The following LRRN4 variants were observed in gnomAD, a reference collection of about 807,000 sequenced individuals.
The protein encoded by LRRN4 is leucine-rich repeat neuronal protein 4.
In LRRN4, 26 loss-of-function variants were observed where a neutral mutation model predicts 22.3. The ratio of observed to expected loss-of-function variants is 1.16; its 90% confidence interval spans 0.85 to 1.62. The LOEUF (loss-of-function observed/expected upper bound fraction) is 1.62, where lower values mean the gene tolerates loss of function less well. Ranked by LOEUF, LRRN4 falls within the 40% of genes most tolerant of loss-of-function variation. LRRN4 has a pLI of 0.00. For missense variants in LRRN4, 1,070 were observed against 1,008.5 expected (o/e 1.06, Z -0.83); for synonymous variants, 496 against 486.2 (o/e 1.02, Z -0.26).
In LRRN4 at chr20:6,052,566, G is replaced by A; in HGVS notation, c.234C>T (p.Arg78=). ...GCAGGTTGTGGCTGGCGTCGAGGCT[G>A]CGCAGTGTGCGCGGTAGGCAGCCGG... is the stretch of plus-strand genomic sequence containing the variant. ...RLPGCLPRTL[R]SLDASHNLLR... The change falls in exon 2 of 5, where the codon CGC becomes CGT. Residue 78 remains arginine, a synonymous_variant. Coordinates refer to ENST00000378858, the MANE Select transcript of LRRN4 (RefSeq NM_152611.5). 2 of 1,579,698 alleles carry A rather than the reference G, an allele frequency of 1.3e-6. No individual in the cohort carries two copies. Among genetic ancestry groups the A allele is most frequent in the Non-Finnish European group, 8.5e-7 (1 of 1,171,684 alleles).
rs776796749 is a variant in LRRN4, at chr20:6,052,238, C to A, written c.562G>T (p.Gly188Trp). Residue 188 changes from glycine to tryptophan, a missense_variant, in exon 2 of 5, where the codon GGG (glycine) becomes TGG (tryptophan). Physicochemically the swap from Gly to Trp is radical, Grantham distance 184 (BLOSUM62 -2). Coordinates refer to ENST00000378858, the MANE Select transcript of LRRN4 (RefSeq NM_152611.5). Reference protein sequence around the residue: ...SCTALGRGAQGGIAEAAFAGE... With the variant: ...SCTALGRGAQWGIAEAAFAGE... The stretch of plus-strand genomic sequence containing the variant: ...GCGAACGCCGCCTCGGCGATGCCCC[C>A]CTGGGCTCCGCGACCCAGCGCGGTG... 3.8e-6 allele frequency: 6 copies of A among 1,567,952 alleles called. No individual in the cohort carries two copies. Among genetic ancestry groups the A allele is most frequent in the South Asian group, 3.5e-5 (3 of 85,398 alleles).
Position 6,052,144 on chromosome 20 carries a change from C to A in LRRN4, c.655+1G>T. ...TGAAAACGCGGGGCGCCCGGACTCA[C>A]CCCGTTCAAGGAACGTGCCGCTGAG... is the stretch of plus-strand genomic sequence containing the variant. On this transcript the variant is annotated splice_donor_variant, in intron 2 of 4. Coordinates refer to ENST00000378858, the MANE Select transcript of LRRN4 (RefSeq NM_152611.5). LOFTEE classifies it high-confidence loss of function. The A allele has an allele frequency of 6.3e-7, 1 of 1,590,164 alleles. No homozygotes were observed. Among genetic ancestry groups the A allele is most frequent in the East Asian group, 2.3e-5 (1 of 43,444 alleles).
At chr20:6,042,445 C>T (rs1204057956) in intron 4 of LRRN4, among the ~76,000 whole-genome samples, 199 bp from the exon 5 acceptor site, 2 of 152,206 alleles carry the variant, frequency 1.3e-5, no homozygotes, top group African/African-American at 4.8e-5. Context: ...CCTGTCCTCA[C>T]TCCCACTGGG....
Position 6,050,893 on chromosome 20 carries a change from A to G in LRRN4, c.746T>C (p.Phe249Ser), listed in dbSNP as rs145884853. 28 of 1,614,028 alleles carry G rather than the reference A, an allele frequency of 1.7e-5. No homozygotes were observed. The highest frequency in any genetic ancestry group is 2.2e-5 in the Non-Finnish European group (26 of 1,180,020). ...PRLTTLEGDI[F>S]KMTPNLQQLD... is the part of the protein sequence containing the mutation. ...CTGCTGCAGGTTGGGGGTCATCTTGAAAATGTCCCCCTCCAGGGTCGTCAG... is the reference window on the plus strand; with the variant it reads ...CTGCTGCAGGTTGGGGGTCATCTTGGAAATGTCCCCCTCCAGGGTCGTCAG... Residue 249 changes from phenylalanine to serine, a missense_variant, in exon 3 of 5, where the codon TTC becomes TCC. Coordinates refer to ENST00000378858, the MANE Select transcript of LRRN4 (RefSeq NM_152611.5).
Position 6,040,930 on chromosome 20 carries a change from C to G in LRRN4, c.*92G>C. On this transcript the variant is annotated 3_prime_UTR_variant, in exon 5 of 5. Coordinates refer to ENST00000378858, the MANE Select transcript of LRRN4 (RefSeq NM_152611.5). ...TTCTGGCTTCACGGGAATTAGAAAC[C>G]CTAGGAGCGGATGGGGTCGTTTTTG... 6.5e-7 allele frequency: 1 copy of G among 1,539,354 alleles called. No homozygotes were observed. Among genetic ancestry groups the G allele is most frequent in the South Asian group, 1.3e-5 (1 of 79,936 alleles).
In LRRN4 at chr20:6,052,415, G is replaced by A. The variant is rs1376826390; in HGVS notation, c.385C>T (p.Leu129Phe). 1 of 1,544,090 alleles carries A rather than the reference G, an allele frequency of 6.5e-7. No homozygotes were observed. ...GGPAGLHTLD[L>F]SYNQLAALPP... ...AGAGCGGCCAGCTGGTTGTAGCTGA[G>A]GTCCAGGGTGTGCAGCCCCGCCGGC... is the stretch of plus-strand genomic sequence containing the variant. Residue 129 changes from leucine to phenylalanine, a missense_variant, in exon 2 of 5, where the codon CTC becomes TTC. By Grantham distance (22) the Leu-to-Phe change is conservative. Coordinates refer to ENST00000378858, the MANE Select transcript of LRRN4 (RefSeq NM_152611.5).
intron 3 of LRRN4, among the ~76,000 whole-genome samples, chr20:6,045,905 C>T (rs565618961): frequency 6.7e-6 from 1 of 148,834 alleles, no homozygotes; most frequent in African/African-American, 2.4e-5. Flanking sequence ...GGGCAGGCCC[C>T]AGTGCTCAAT....
At position 6,052,415 on chromosome 20, in the gene LRRN4, G is replaced by T; in HGVS notation, c.385C>A (p.Leu129Ile). ...AGAGCGGCCAGCTGGTTGTAGCTGAGGTCCAGGGTGTGCAGCCCCGCCGGC... is the reference window on the plus strand; with the variant it reads ...AGAGCGGCCAGCTGGTTGTAGCTGATGTCCAGGGTGTGCAGCCCCGCCGGC... ...GGPAGLHTLDLSYNQLAALPP... is the reference protein window; with the variant it reads ...GGPAGLHTLDISYNQLAALPP... The change falls in exon 2 of 5, where the codon CTC (leucine) becomes ATC (isoleucine). Residue 129 changes from leucine to isoleucine, a missense_variant. By Grantham distance (5) the Leu-to-Ile change is conservative. Transcript: ENST00000378858. The T allele has an allele frequency of 6.5e-7, 1 of 1,544,090 alleles. No individual in the cohort carries two copies. Among genetic ancestry groups the T allele is most frequent in the Non-Finnish European group, 8.7e-7 (1 of 1,153,978 alleles).
intron 3 of LRRN4, among the ~76,000 whole-genome samples, chr20:6,047,024 T>C (rs1409694124): frequency 6.6e-6 from 1 of 152,164 alleles, no homozygotes; most frequent in Non-Finnish European, 1.5e-5. Context: ...CTCATTAACA[T>C]CACTATGACG....
In LRRN4 at chr20:6,050,771, G is replaced by T. The variant is rs1304399547; in HGVS notation, c.860+8C>A. 5.6e-6 allele frequency: 9 copies of T among 1,612,750 alleles called. No individual in the cohort carries two copies. The highest frequency in any genetic ancestry group is 5.0e-5 in the Admixed American group (3 of 59,750). ...CATGTGATGAAGATGTGCCTCAGAAGCACTTACTTCTGGAACAGAAGGACC... is the reference window on the plus strand; with the variant it reads ...CATGTGATGAAGATGTGCCTCAGAATCACTTACTTCTGGAACAGAAGGACC... On this transcript the variant is annotated splice_region_variant and intron_variant, in intron 3 of 4. Coordinates refer to ENST00000378858, the MANE Select transcript of LRRN4 (RefSeq NM_152611.5).
At position 6,052,732 on chromosome 20, in the gene LRRN4, T is replaced by G. The variant is rs1981294994; in HGVS notation, c.68A>C (p.Glu23Ala). The G allele has an allele frequency of 6.4e-7, 1 of 1,571,544 alleles. No individual in the cohort carries two copies. The highest frequency in any genetic ancestry group is 8.6e-7 in the Non-Finnish European group (1 of 1,166,244). ...LRPSWADPPQ[E>A]KVPLFRVTQQ... is the part of the protein sequence containing the mutation. The stretch of plus-strand genomic sequence containing the variant: ...AGTGACCCGGAAGAGCGGGACCTTC[T>G]CCTGGGGAGGGTCTGCCCAGCTGGG... Residue 23 changes from glutamate (E) to alanine (A), a missense_variant, in exon 2 of 5, where the codon GAG (glutamate) becomes GCG (alanine). Coordinates refer to ENST00000378858, the MANE Select transcript of LRRN4 (RefSeq NM_152611.5).
rs754276493 is a variant in LRRN4, at chr20:6,041,677, A to T, written c.1568T>A (p.Leu523Gln). ...CTCCTCCTCACTGTAGTCGTCCAGCAGCAAGACTGGAATCTCGCCCTCGGA... is the reference window on the plus strand; with the variant it reads ...CTCCTCCTCACTGTAGTCGTCCAGCTGCAAGACTGGAATCTCGCCCTCGGA... ...SLSEGEIPVL[L>Q]LDDYSEEEEG... The change falls in exon 5 of 5, where the codon CTG becomes CAG. Residue 523 changes from leucine to glutamine, a missense_variant. Transcript: ENST00000378858. The surrounding 1 kb of genome is among the most constrained non-coding windows in gnomAD (Gnocchi z 9.4). 1 of 1,612,784 alleles carries T rather than the reference A, an allele frequency of 6.2e-7. No homozygotes were observed. Among genetic ancestry groups the T allele is most frequent in the South Asian group, 1.1e-5 (1 of 90,864 alleles).
chr20:6,050,755 A>C lies in LRRN4; in HGVS notation c.860+24T>G, dbSNP rs751594476. The C allele has an allele frequency of 1.9e-6, 3 of 1,605,694 alleles. No individual in the cohort carries two copies. The South Asian group carries it at 3.3e-5, about 18-fold the overall frequency. On this transcript the variant is annotated intron_variant, in intron 3 of 4. Transcript: ENST00000378858. ...ATGGGCAAAAATCAGTCATGTGATG[A>C]AGATGTGCCTCAGAAGCACTTACTT...
chr20:6,041,345 G>T lies in LRRN4; in HGVS notation c.1900C>A (p.Arg634=), dbSNP rs55983705. The T allele has an allele frequency of 4.6e-4, 730 of 1,597,132 alleles. 2 individuals carry two copies. In the African/African-American group the frequency reaches 8.0e-3, roughly 18 times the overall value. Residue 634 remains arginine (R), a synonymous_variant, in exon 5 of 5, where the codon CGG becomes AGG. Coordinates refer to ENST00000378858, the MANE Select transcript of LRRN4 (RefSeq NM_152611.5). This position sits in a 1 kb window ranked among gnomAD's most constrained non-coding sequence, Gnocchi z 9.4. ...SVVGVIYATA[R]QHPLYGLSPG... ...GACAGCCCGTACAGAGGGTGCTGCC[G>T]GGCCGTGGCGTAGATGACCCCCACC...
In LRRN4 at chr20:6,041,154, G is replaced by C; in HGVS notation, c.2091C>G (p.Ser697Arg). Residue 697 changes from serine to arginine, a missense_variant, in exon 5 of 5, where the codon AGC (serine) becomes AGG (arginine). Ser to Arg is a moderately radical substitution (Grantham distance 110). Transcript: ENST00000378858. This position sits in a 1 kb window ranked among gnomAD's most constrained non-coding sequence, Gnocchi z 9.4. ...AGAGACATGCGGACAGCACCACGGT[G>C]CTGGCGAGCAACAGGCCGCTGGCGG... ...LCAASGLLLASTVVLSACLCR... is the reference protein window; with the variant it reads ...LCAASGLLLARTVVLSACLCR... 6.2e-7 allele frequency: 1 copy of C among 1,605,616 alleles called. No individual in the cohort carries two copies. The highest frequency in any genetic ancestry group is 2.2e-5 in the East Asian group (1 of 44,490).
intron 3 of LRRN4, among the ~76,000 whole-genome samples, chr20:6,048,186 C>T (rs967843677): frequency 1.3e-5 from 2 of 152,134 alleles, no homozygotes; most frequent in African/African-American, 4.8e-5. Context: ...TCCTTAAGCA[C>T]TCTCTTCTCT....
At position 6,042,225 on chromosome 20, in the gene LRRN4, C is replaced by T. The variant is rs1980985147; in HGVS notation, c.1020G>A (p.Ala340=). Residue 340 remains alanine (A), a synonymous_variant, in exon 5 of 5, where the codon GCG becomes GCA. Coordinates refer to ENST00000378858, the MANE Select transcript of LRRN4 (RefSeq NM_152611.5). ...VLSRAADTMC[A]PAAGSSGPFS... is the part of the protein sequence containing the mutation. ...AGGGGCCGCTGGATCCCGCAGCTGG[C>T]GCGCACATAGTGTCTGCTGCCCTGG... is the stretch of plus-strand genomic sequence containing the variant. 6.2e-7 allele frequency: 1 copy of T among 1,611,836 alleles called. No individual in the cohort carries two copies. The highest frequency in any genetic ancestry group is 1.3e-5 in the African/African-American group (1 of 74,896).
At chr20:6,042,746 C>G (rs972301693) in intron 4 of LRRN4, among the ~76,000 whole-genome samples, 2 of 151,806 alleles carry the variant, frequency 1.3e-5, no homozygotes, top group Non-Finnish European at 2.9e-5. Flanking sequence ...CGGTGAAACC[C>G]CCTCCCTACT....
chr20:6,045,013 T>C (rs138248156), intron 3 of LRRN4, among the ~76,000 whole-genome samples: 5,895 of 152,064 alleles, frequency 0.039, 372 homozygotes, highest in African/African-American at 0.13. Context: ...AGGAAATGCT[T>C]TTCTTTTTCC....
Sources: gnomAD v4.1 joint callset for allele counts (sites outside exome capture counted in the v4.1 genomes callset) on GRCh38, gnomAD v4.1.1 for gene constraint, Gnocchi (gnomAD v3.1) non-coding constraint, MANE v1.5 for transcripts, NCBI Gene and HGNC (gene_info 2026-07-23, HGNC 2026-07-21) for gene names.